The following KRT72 variants were observed in gnomAD, a reference collection of about 807,000 sequenced individuals.
The protein encoded by KRT72 is keratin 72.
A neutral mutation model predicts 44.7 loss-of-function variants in KRT72; 44 were observed. The observed-to-expected ratio is 0.98, with a 90% confidence interval of 0.77 to 1.27. The LOEUF (loss-of-function observed/expected upper bound fraction) is 1.27. KRT72 is among the 50% of genes most tolerant of loss of function. The pLI, the probability that KRT72 is intolerant of heterozygous loss-of-function variation, is 0.00. For synonymous variants in KRT72, 302 were observed against 280.4 expected, an observed-to-expected ratio of 1.08 and a Z score of -0.77; for missense variants, 736 against 667.1, an observed-to-expected ratio of 1.10 and a Z score of -1.14.
At chr12:52,593,075 G>A in intron 2 of KRT72, 123 bp from the exon 3 acceptor site, 1 of 761,752 alleles carries the variant, frequency 1.3e-6, no homozygotes, top group South Asian at 2.1e-5. Context: ...ATACCCCTGG[G>A]GCACACATAA....
intron 2 of KRT72, among the ~76,000 whole-genome samples, chr12:52,596,947 G>T (rs188226156): frequency 6.6e-6 from 1 of 152,190 alleles, no homozygotes; most frequent in African/African-American, 2.4e-5. Context: ...GGGAAAGTGG[G>T]ATGAAAATTG....
rs1939779000 is a variant in KRT72, at chr12:52,586,939, T to C, written c.1345+7A>G. 3 of 1,613,380 alleles carry C rather than the reference T, an allele frequency of 1.9e-6. No homozygotes were observed. The Admixed American group carries it at 5.0e-5, about 27-fold the overall frequency. On this transcript the variant is annotated splice_region_variant and intron_variant, in intron 8 of 8. Coordinates refer to ENST00000293745, the MANE Select transcript of KRT72 (RefSeq NM_080747.3). Reference sequence around the variant, plus strand: ...CAAGGGCAGAACTGAGATCTGCAGATACTTACAGATGCTCACAGAATTTGG... The same window carrying C: ...CAAGGGCAGAACTGAGATCTGCAGACACTTACAGATGCTCACAGAATTTGG...
upstream of KRT72, among the ~76,000 whole-genome samples, chr12:52,602,800 G>A (rs191281779): frequency 1.4e-3 from 219 of 152,318 alleles, 2 homozygotes; most frequent in African/African-American, 5.0e-3. Flanking sequence ...GACCTCATGG[G>A]TTGGTTAAAT....
At chr12:52,587,874 A>G in intron 6 of KRT72, 23 bp from the exon 7 acceptor site, 1 of 1,607,818 alleles carries the variant, frequency 6.2e-7, no homozygotes, top group East Asian at 2.2e-5. Flanking sequence ...CAGATCCAGC[A>G]CTTAAGAGTC....
rs200651000 is a variant in KRT72, at chr12:52,591,642, G to T, written c.799-14C>A. 7 of 1,597,888 alleles carry T rather than the reference G, an allele frequency of 4.4e-6. No individual in the cohort carries two copies. Among genetic ancestry groups the T allele is most frequent in the East Asian group, 2.2e-5 (1 of 44,514 alleles). On this transcript the variant is annotated splice_polypyrimidine_tract_variant and intron_variant, in intron 4 of 8. Coordinates refer to ENST00000293745, the MANE Select transcript of KRT72 (RefSeq NM_080747.3). ...CTGAGTGATCTCCTGGGGACGGTTG[G>T]GGGAGGGGAGCTAGTTAAGGGGTAC...
At chr12:52,590,001 C>G (rs1018390430) in intron 6 of KRT72, among the ~76,000 whole-genome samples, 3 of 151,146 alleles carry the variant, frequency 2.0e-5, no homozygotes, top group African/African-American at 4.9e-5. Flanking sequence ...GTGTGTGTGT[C>G]TGTGTGTGTG....
chr12:52,592,137 C>T (rs1940058380), intron 4 of KRT72, among the ~76,000 whole-genome samples: 1 of 152,232 alleles, frequency 6.6e-6, no homozygotes, highest in Non-Finnish European at 1.5e-5. Context: ...CCTTCCTCTG[C>T]TCTCTGAAAG....
intron 1 of KRT72, 27 bp from the exon 2 acceptor site, chr12:52,599,139 A>G (rs763247615): frequency 1.2e-6 from 2 of 1,611,070 alleles, no homozygotes; most frequent in Non-Finnish European, 1.7e-6. Context: ...GTCATCGCCC[A>G]GAGTCCCCAT....
At chr12:52,600,256 C>T (rs1359689661) in intron 1 of KRT72, among the ~76,000 whole-genome samples, 5 of 152,180 alleles carry the variant, frequency 3.3e-5, no homozygotes, top group Non-Finnish European at 7.3e-5. Context: ...ACTCCTCAAG[C>T]ACCAAGCACC....
chr12:52,592,672 AG>A (rs1475242890), intron 3 of KRT72, among the ~76,000 whole-genome samples, 181 bp from the exon 4 acceptor site: 1 of 152,234 alleles, frequency 6.6e-6, no homozygotes, highest in Non-Finnish European at 1.5e-5. Flanking sequence ...TGGCTACACC[AG>A]TAGTGCAGTA....
At chr12:52,591,389 C>T in intron 5 of KRT72, 75 bp downstream of exon 5, 1 of 1,470,084 alleles carries the variant, frequency 6.8e-7, no homozygotes, top group South Asian at 1.2e-5. Flanking sequence ...CACGCACACA[C>T]ACGTACACAT....
Position 52,592,905 on chromosome 12 carries a change from A to G in KRT72, c.689T>C (p.Val230Ala), listed in dbSNP as rs1403183320. 1 of 1,613,872 alleles carries G rather than the reference A, an allele frequency of 6.2e-7. No homozygotes were observed. Among genetic ancestry groups the G allele is most frequent in the Non-Finnish European group, 8.5e-7 (1 of 1,179,902 alleles). The change falls in exon 3 of 9, where the codon GTG becomes GCG. Residue 230 changes from valine (V) to alanine (A), a missense_variant. By Grantham distance (64) the Val-to-Ala change is moderately conservative (BLOSUM62 0). Coordinates refer to ENST00000293745, the MANE Select transcript of KRT72 (RefSeq NM_080747.3). ...NRRTAAENEFVVLKKDVDAAY... is the reference protein window; with the variant it reads ...NRRTAAENEFAVLKKDVDAAY... ...CACCCCTCTTACCTTCTTGAGCACC[A>G]CAAACTCATTCTCAGCAGCTGTGCG... is the stretch of plus-strand genomic sequence containing the variant.
intron 1 of KRT72, among the ~76,000 whole-genome samples, chr12:52,600,096 C>T (rs954323161): frequency 5.3e-5 from 8 of 152,154 alleles, no homozygotes; most frequent in African/African-American, 1.9e-4. Flanking sequence ...GACAACTTCC[C>T]TATTACCCCA....
At chr12:52,591,102 G>C in intron 5 of KRT72, 141 bp from the exon 6 acceptor site, 1 of 819,142 alleles carries the variant, frequency 1.2e-6, no homozygotes, top group Non-Finnish European at 1.8e-6. Flanking sequence ...GGCAGAGTGT[G>C]AATTTCCTAT....
chr12:52,602,144 A>G (rs569140761), upstream of KRT72, among the ~76,000 whole-genome samples: 4 of 152,284 alleles, frequency 2.6e-5, no homozygotes, highest in Admixed American at 2.6e-4. Context: ...GCATTTCTGG[A>G]CTAAGAATGG....
At chr12:52,591,808 C>CTGAAA (rs1940043682) in intron 4 of KRT72, among the ~76,000 whole-genome samples, 180 bp from the exon 5 acceptor site, 1 of 152,172 alleles carries the variant, frequency 6.6e-6, no homozygotes, top group African/African-American at 2.4e-5. Context: ...GCCCCAAACG[C>CTGAAA]TGAGACTCCT....
chr12:52,602,350 T>G (rs1004787934), upstream of KRT72, among the ~76,000 whole-genome samples: 1 of 152,204 alleles, frequency 6.6e-6, no homozygotes, highest in Admixed American at 6.5e-5. Flanking sequence ...CATTTCTGAT[T>G]CAGCATCAAA....
Position 52,601,094 on chromosome 12 carries a change from C to G in KRT72, c.359G>C (p.Arg120Thr), listed in dbSNP as rs1378424120. Residue 120 changes from arginine to threonine, a missense_variant, in exon 1 of 9, where the codon AGG becomes ACG. Physicochemically the swap from Arg to Thr is moderately conservative, Grantham distance 71. Transcript: ENST00000293745. ...CTGCTCCCGCTCCTGGGCGCGCACC[C>G]TCTGGATCTCGGGGTCCATCTCCAC... ...LNVEMDPEIQRVRAQEREQIK... is the reference protein window; with the variant it reads ...LNVEMDPEIQTVRAQEREQIK... 4 of 1,612,650 alleles carry G rather than the reference C, an allele frequency of 2.5e-6. No homozygotes were observed. Among genetic ancestry groups the G allele is most frequent in the East Asian group, 2.2e-5 (1 of 44,776 alleles).
chr12:52,602,862 C>T (rs928100748), upstream of KRT72, among the ~76,000 whole-genome samples: 5 of 152,160 alleles, frequency 3.3e-5, no homozygotes, highest in Non-Finnish European at 7.3e-5. Context: ...AATGACAGGA[C>T]ATAATAACAG....
Sources: gnomAD v4.1 joint callset for allele counts (sites outside exome capture counted in the v4.1 genomes callset) on GRCh38, gnomAD v4.1.1 for gene constraint, MANE v1.5 for transcripts, NCBI Gene and HGNC (gene_info 2026-07-23, HGNC 2026-07-21) for gene names.